TCF7: variants seen among roughly 807,000 people sequenced by gnomAD.
The protein encoded by TCF7 is T-cell-factor-7.
Under a neutral mutation model 46.8 loss-of-function variants are expected in TCF7, and 19 were observed. The observed-to-expected ratio is 0.41, with a 90% CI of 0.28 to 0.60. TCF7 has a LOEUF of 0.60. Among genes scored for constraint, TCF7 ranks in the 20% least tolerant of loss-of-function variants. The pLI, the probability that TCF7 is intolerant of heterozygous loss-of-function variation, is 0.35. For synonymous variants in TCF7, 245 were observed against 213.4 expected, an observed-to-expected ratio of 1.15 and a Z score of -1.29; for missense variants, 547 against 504.6, an observed-to-expected ratio of 1.08 and a Z score of -0.81.
intron 3 of TCF7, 132 bp downstream of exon 3, chr5:134,116,165 C>T (rs775867864): frequency 3.6e-5 from 52 of 1,431,816 alleles, no homozygotes; most frequent in Non-Finnish European, 4.8e-5. Context: ...CTCCCATACA[C>T]ACCCGGTGGG....
At chr5:134,142,452 G>A in intron 6 of TCF7, 148 bp downstream of exon 6, 1 of 810,792 alleles carries the variant, frequency 1.2e-6, no homozygotes, top group Admixed American at 3.1e-5. Flanking sequence ...GAGGGGGTGG[G>A]TGGGATGGGG....
At chr5:134,109,131 CGAT>C in the TCF7 span, among the ~76,000 whole-genome samples, 2 of 7,500 alleles carry the variant, frequency 2.7e-4, no homozygotes, top group Non-Finnish European at 1.3e-3. Flanking sequence ...TATGGATGAT[CGAT>C]CCATCCTTCC....
intron 3 of TCF7, chr5:134,137,762 C>G (rs954254195): frequency 3.7e-5 from 10 of 267,074 alleles, no homozygotes; most frequent in Non-Finnish European, 7.0e-5. Flanking sequence ...CCCAGACAAG[C>G]CAAACCTGAG....
intron 4 of TCF7, chr5:134,138,743 A>G (rs1759278737): frequency 2.8e-6 from 2 of 703,022 alleles, no homozygotes; most frequent in Non-Finnish European, 4.5e-6. Flanking sequence ...TAGGCAAGTC[A>G]CCCCAGCCCT....
rs140410790 is a variant in TCF7 at position 134,126,987 on chromosome 5, A to C, written c.441+10954A>C. 3.5e-3 allele frequency among the ~76,000 whole-genome samples: 532 copies of C among 152,100 alleles called. 7 individuals are homozygous for C. Among genetic ancestry groups the C allele is most frequent in the African/African-American group, 0.012 (488 of 41,498 alleles). On this transcript the variant is annotated intron_variant, in intron 3 of 9. Transcript: ENST00000342854. The stretch of plus-strand genomic sequence containing the variant: ...ATGGGGAAACTGAGGCTCAGAGAGG[A>C]TAAGGAATGCGCTGATACCTGGCAG...
At chr5:134,119,278 A>G (rs1756255781) in intron 3 of TCF7, among the ~76,000 whole-genome samples, 1 of 152,172 alleles carries the variant, frequency 6.6e-6, no homozygotes, top group Non-Finnish European at 1.5e-5. Flanking sequence ...AATATCCAGA[A>G]TAGACACATC....
chr5:134,142,653 A>AGAG, intron 6 of TCF7, 68 bp from the exon 7 acceptor site: 2 of 1,584,956 alleles, frequency 1.3e-6, no homozygotes, highest in Non-Finnish European at 8.6e-7. Flanking sequence ...GGCCCACGCT[A>AGAG]GAGGAGGAGG....
Position 134,146,464 on chromosome 5 carries a change from C to T in TCF7, c.*161C>T. The T allele has an allele frequency of 1.2e-6, 1 of 805,208 alleles. No individual in the cohort carries two copies. Among genetic ancestry groups the T allele is most frequent in the East Asian group, 2.6e-5 (1 of 38,082 alleles). 49.9% of individuals were successfully genotyped at this position (805,208 alleles called of 1,614,324 possible). A position where few individuals can be genotyped will look rare whatever the true frequency, so the allele number is the denominator to read the frequency against. On this transcript the variant is annotated 3_prime_UTR_variant, in exon 10 of 10. Transcript: ENST00000342854. ...CCCCAGGGCCCCCACAGGCCCCCCG[C>T]AGCACCCTGCAGAGCACACAGGTAC...
chr5:134,139,900 T>G (rs965830188), intron 5 of TCF7: 1 of 152,212 alleles, frequency 6.6e-6, no homozygotes. Context: ...AAATTAAGAC[T>G]ACTCCCATGA....
intron 9 of TCF7, chr5:134,145,427 G>A: frequency 1.8e-6 from 1 of 558,938 alleles, no homozygotes; most frequent in Non-Finnish European, 3.4e-6. Context: ...ACCCTGGGCT[G>A]TCTGAGGGAA....
chr5:134,138,005 G>T, intron 3 of TCF7, 54 bp from the exon 4 acceptor site: 4 of 1,430,478 alleles, frequency 2.8e-6, no homozygotes, highest in South Asian at 1.3e-5. Flanking sequence ...TCATCCCAGT[G>T]TCTTCCTCCC....
intron 3 of TCF7, among the ~76,000 whole-genome samples, chr5:134,127,738 T>C (rs960148578): frequency 3.9e-5 from 6 of 152,280 alleles, no homozygotes; most frequent in Admixed American, 2.0e-4. Context: ...CCTCCCATCC[T>C]CTCTGGTCAT....
Position 134,115,890 on chromosome 5 carries a change from C to T in TCF7, c.317-19C>T. The T allele has an allele frequency of 6.2e-7, 1 of 1,613,772 alleles. No individual in the cohort carries two copies. The highest frequency in any genetic ancestry group is 8.5e-7 in the Non-Finnish European group (1 of 1,179,964). On this transcript the variant is annotated intron_variant, in intron 2 of 9. Coordinates refer to ENST00000342854, the MANE Select transcript of TCF7 (RefSeq NM_003202.5). Reference sequence around the variant, plus strand: ...CGCTGCCAGGGCTGGTGTGTCTGACCCAGCTGTGGTTTTTCCAGGCCTGAA... The same window carrying T: ...CGCTGCCAGGGCTGGTGTGTCTGACTCAGCTGTGGTTTTTCCAGGCCTGAA...
At chr5:134,124,411 G>A (rs1428848087) in intron 3 of TCF7, among the ~76,000 whole-genome samples, 1 of 152,172 alleles carries the variant, frequency 6.6e-6, no homozygotes, top group Non-Finnish European at 1.5e-5. Flanking sequence ...GCTGGAACAT[G>A]GGGCTCCTCT....
intron 3 of TCF7, among the ~76,000 whole-genome samples, chr5:134,131,619 C>T (rs537925937): frequency 6.8e-4 from 104 of 152,280 alleles, no homozygotes; most frequent in African/African-American, 2.4e-3. Flanking sequence ...CTGGAGGCAC[C>T]GGGATTCTAG....
At chr5:134,138,850 TGGGATC>T (rs1759295558) in intron 4 of TCF7, 95 bp from the exon 5 acceptor site, 14 of 1,528,560 alleles carry the variant, frequency 9.2e-6, no homozygotes, top group Non-Finnish European at 1.2e-5. Flanking sequence ...GCAAAGCTGG[TGGGATC>T]TTAAGGCCCC....
At chr5:134,115,459 G>C (rs1755669631) in intron 2 of TCF7, 72 bp downstream of exon 2, 1 of 1,530,012 alleles carries the variant, frequency 6.5e-7, no homozygotes, top group Admixed American at 2.0e-5. Context: ...GGGACGCCAA[G>C]GACCGCGGGG....
chr5:134,142,709 T>C lies in TCF7; in HGVS notation c.756-12T>C, dbSNP rs1206708580. 6.2e-7 allele frequency: 1 copy of C among 1,613,572 alleles called. No individual in the cohort carries two copies. The highest frequency in any genetic ancestry group is 8.5e-7 in the Non-Finnish European group (1 of 1,179,748). Reference sequence around the variant, plus strand: ...GGGGGGCTCCTGAACAATCTGGATTTGTGCCCCTCAGGAAGACACAAGCAG... The same window carrying C: ...GGGGGGCTCCTGAACAATCTGGATTCGTGCCCCTCAGGAAGACACAAGCAG... On this transcript the variant is annotated splice_polypyrimidine_tract_variant and intron_variant, in intron 6 of 9. Transcript: ENST00000342854.
chr5:134,125,053 G>A (rs900823498), intron 3 of TCF7, among the ~76,000 whole-genome samples: 2 of 152,220 alleles, frequency 1.3e-5, no homozygotes, highest in Non-Finnish European at 2.9e-5. Flanking sequence ...CCATGGAGAG[G>A]CCTGTGTGCT....
Sources: gnomAD v4.1 joint callset for allele counts (sites outside exome capture counted in the v4.1 genomes callset) on GRCh38, gnomAD v4.1.1 for gene constraint, MANE v1.5 for transcripts, NCBI Gene and HGNC (gene_info 2026-07-23, HGNC 2026-07-21) for gene names.